The following CLMN variants were observed in gnomAD, a reference collection of about 807,000 sequenced individuals.
CLMN encodes calmin.
Under a neutral mutation model 92.7 loss-of-function variants are expected in CLMN, and 57 were observed. The ratio of observed to expected loss-of-function variants is 0.61; its 90% CI spans 0.50 to 0.77. The LOEUF is 0.77. Among genes scored for constraint, CLMN ranks in the 30% least tolerant of loss-of-function variants. The pLI, the probability that CLMN is intolerant of heterozygous loss-of-function variation, is 0.00. For synonymous variants in CLMN, 466 were observed against 470.6 expected (o/e 0.99, Z 0.13); for missense variants, 1,158 against 1,237.5 (o/e 0.94, Z 0.96).
chr14:95,244,094 G>T (rs548050048), intron 1 of CLMN, among the ~76,000 whole-genome samples: 2 of 152,252 alleles, frequency 1.3e-5, no homozygotes, highest in South Asian at 4.1e-4. Context: ...TACCATGATT[G>T]TAAGATTCCT....
chr14:95,242,228 ATTTCT>A (rs1317520380), intron 1 of CLMN, among the ~76,000 whole-genome samples: 5 of 130,746 alleles, frequency 3.8e-5, no homozygotes, highest in African/African-American at 1.1e-4. Flanking sequence ...GGACTCAGGC[ATTTCT>A]TTTCTTTTTT....
rs1191843074 is a variant in CLMN at position 95,190,629 on chromosome 14, T to A, written c.*935A>T. The A allele has an allele frequency of 6.6e-6, 1 of 152,242 alleles. No homozygotes were observed. The highest frequency in any genetic ancestry group is 1.5e-5 in the Non-Finnish European group (1 of 68,112). The allele number at this position is 152,242 out of a possible 1,614,324, so 9.4% of individuals were successfully genotyped here. On this transcript the variant is annotated 3_prime_UTR_variant, in exon 13 of 13. Transcript: ENST00000298912. The stretch of plus-strand genomic sequence containing the variant: ...CTCCCGGAGTGCTGTCCAGAAAGCC[T>A]CTTCAAGAAACCCATTACAAGTGAC...
At chr14:95,219,091 T>C (rs1385554672) in intron 4 of CLMN, among the ~76,000 whole-genome samples, 1 of 152,240 alleles carries the variant, frequency 6.6e-6, no homozygotes, top group Non-Finnish European at 1.5e-5. Flanking sequence ...AAGGCACAGA[T>C]GAGTCTCTAA....
intron 1 of CLMN, among the ~76,000 whole-genome samples, chr14:95,265,411 G>T: frequency 6.6e-6 from 1 of 152,144 alleles, no homozygotes; most frequent in East Asian, 1.9e-4. Flanking sequence ...TTTTCCTTGC[G>T]TCTCCAGCCT....
intron 2 of CLMN, among the ~76,000 whole-genome samples, chr14:95,224,961 T>C (rs1402950874): frequency 6.6e-6 from 1 of 152,208 alleles, no homozygotes; most frequent in East Asian, 1.9e-4. Context: ...AGGACACAGC[T>C]GGCCTGCTGA....
At position 95,210,652 on chromosome 14, in the gene CLMN, A is replaced by T. The variant is rs762736513; in HGVS notation, c.802+34T>A. On this transcript the variant is annotated intron_variant, in intron 7 of 12. Coordinates refer to ENST00000298912, the MANE Select transcript of CLMN (RefSeq NM_024734.4). Reference sequence around the variant, plus strand: ...CAGCAAGTGGTACATTTGTAAAAAAAAATTATTAGAAAGAAAGAGAGAACC... The same window carrying T: ...CAGCAAGTGGTACATTTGTAAAAAATAATTATTAGAAAGAAAGAGAGAACC... 13 of 1,588,464 alleles carry T rather than the reference A, an allele frequency of 8.2e-6. No individual in the cohort carries two copies. The South Asian group carries it at 1.4e-4, about 17-fold the overall frequency.
chr14:95,204,818 G>C (rs1033029741), intron 8 of CLMN, among the ~76,000 whole-genome samples: 1 of 152,214 alleles, frequency 6.6e-6, no homozygotes, highest in Non-Finnish European at 1.5e-5. Context: ...CTTCATGCTT[G>C]AGGACCATGT....
At chr14:95,290,357 T>C (rs1900516302) in intron 1 of CLMN, among the ~76,000 whole-genome samples, 1 of 152,240 alleles carries the variant, frequency 6.6e-6, no homozygotes, top group Non-Finnish European at 1.5e-5. Context: ...ACTTTGCAGA[T>C]GTGTTAAGGA....
intron 1 of CLMN, among the ~76,000 whole-genome samples, chr14:95,315,084 T>C (rs1007582399): frequency 2.6e-5 from 4 of 151,518 alleles, no homozygotes; most frequent in Non-Finnish European, 5.9e-5. Flanking sequence ...GCTCCACTGC[T>C]GTGTGAAAGG....
Position 95,191,726 on chromosome 14 carries a change from G to T in CLMN, c.2847C>A (p.Ala949=). The T allele has an allele frequency of 6.2e-7, 1 of 1,604,948 alleles. No individual in the cohort carries two copies. Residue 949 remains alanine (A), a synonymous_variant, in exon 13 of 13, where the codon GCC becomes GCA. Transcript: ENST00000298912. This position sits in a 1 kb window ranked among gnomAD's most constrained non-coding sequence, Gnocchi z 5.3. The part of the protein sequence containing the change: ...DRRNRILTRK[A]NSSGEAMSLG... The stretch of plus-strand genomic sequence containing the variant: ...GTGACATGGCTTCTCCTGAGCTGTT[G>T]GCCTTCCTACAGAAGAAACACAGAG...
intron 4 of CLMN, among the ~76,000 whole-genome samples, chr14:95,220,359 TAG>T (rs1418469166): frequency 6.6e-6 from 1 of 152,042 alleles, no homozygotes; most frequent in African/African-American, 2.4e-5. Flanking sequence ...GCATTTTTAG[TAG>T]AGATGGCGTT....
At chr14:95,227,110 C>T (rs1276398987) in intron 2 of CLMN, among the ~76,000 whole-genome samples, 3 of 152,070 alleles carry the variant, frequency 2.0e-5, no homozygotes, top group Non-Finnish European at 4.4e-5. Flanking sequence ...GGGTGGCAGC[C>T]ATAACCAGCC....
intron 1 of CLMN, among the ~76,000 whole-genome samples, chr14:95,266,418 G>A (rs1899477456): frequency 6.6e-6 from 1 of 152,002 alleles, no homozygotes; most frequent in Non-Finnish European, 1.5e-5. Flanking sequence ...CAAACAATCT[G>A]AAAAAGAAAT....
At chr14:95,300,520 A>G (rs1044553792) in intron 1 of CLMN, among the ~76,000 whole-genome samples, 2 of 152,202 alleles carry the variant, frequency 1.3e-5, no homozygotes, top group African/African-American at 2.4e-5. Context: ...ACTCCAGATC[A>G]AAGGAGACCT....
At position 95,182,822 on chromosome 14, in the gene CLMN, G is replaced by C. The variant is rs532258538; in HGVS notation, c.*8742C>G. 1.4e-4 allele frequency: 21 copies of C among 152,310 alleles called. No homozygotes were observed. The highest frequency in any genetic ancestry group is 4.3e-4 in the African/African-American group (18 of 41,562). The allele number at this position is 152,310 out of a possible 1,614,324, so 9.4% of individuals were successfully genotyped here. A position where few individuals can be genotyped will look rare whatever the true frequency, so the allele number is the denominator to read the frequency against. ...TTAGGAAACTGCCTCAGATGCTGAC[G>C]TAATTTAAGGAGACCAATTTCCTTC... is the stretch of plus-strand genomic sequence containing the variant. On this transcript the variant is annotated 3_prime_UTR_variant, in exon 13 of 13. Transcript: ENST00000298912.
chr14:95,231,123 T>A (rs2140635834), intron 1 of CLMN, among the ~76,000 whole-genome samples: 1 of 151,214 alleles, frequency 6.6e-6, no homozygotes, highest in African/African-American at 2.4e-5. Flanking sequence ...GCACAGCAGG[T>A]GGTGAGAAGC....
chr14:95,251,515 C>A (rs1246826138), intron 1 of CLMN, among the ~76,000 whole-genome samples: 1 of 152,182 alleles, frequency 6.6e-6, no homozygotes, highest in East Asian at 1.9e-4. Context: ...TCATTGTATA[C>A]CCTTGAGTGT....
intron 4 of CLMN, among the ~76,000 whole-genome samples, chr14:95,217,391 TA>T: frequency 6.6e-6 from 1 of 152,234 alleles, no homozygotes; most frequent in East Asian, 1.9e-4. Flanking sequence ...TGGGCTTGCC[TA>T]ATCGAGGGAG....
intron 1 of CLMN, among the ~76,000 whole-genome samples, chr14:95,237,190 A>G (rs560543106): frequency 2.0e-5 from 3 of 152,392 alleles, no homozygotes; most frequent in South Asian, 4.1e-4. Flanking sequence ...AAAGTTGTGT[A>G]GTAAACAGAC....
Sources: allele counts gnomAD v4.1 joint callset (sites outside exome capture counted in the v4.1 genomes callset), GRCh38; gene constraint gnomAD v4.1.1; non-coding constraint Gnocchi (gnomAD v3.1); transcripts MANE v1.5; gene names NCBI Gene and HGNC (gene_info 2026-07-23, HGNC 2026-07-21).